The following RTN4 variants were observed in gnomAD, a reference collection of about 807,000 sequenced individuals.
RTN4 encodes the protein reticulon-4.
RTN4 carries 32 observed loss-of-function variants against 90.4 expected under a neutral mutation model. The observed-to-expected ratio is 0.35, with a 90% CI of 0.27 to 0.48. The LOEUF (loss-of-function observed/expected upper bound fraction) is 0.48, where lower values mean the gene tolerates loss of function less well. RTN4 is among the 20% of genes least tolerant of loss of function. RTN4 has a pLI of 0.99. For missense variants in RTN4, 1,706 were observed against 1,430.2 expected (o/e 1.19, Z -3.11); for synonymous variants, 629 against 552.5 (o/e 1.14, Z -1.94).
chr2:55,036,975 G>C (rs1682737396), intron 1 of RTN4, among the ~76,000 whole-genome samples: 2 of 152,180 alleles, frequency 1.3e-5, no homozygotes, highest in Admixed American at 1.3e-4. Flanking sequence ...GGACTGTATA[G>C]TTGGAAAATC....
chr2:55,077,472 G>A (rs1246328261), intron 2 of RTN4, among the ~76,000 whole-genome samples: 1 of 152,160 alleles, frequency 6.6e-6, no homozygotes, highest in Admixed American at 6.5e-5. Context: ...AATAATAGAT[G>A]TTAGTGTGGA....
chr2:55,076,389 C>CTTTT (rs58070912), intron 2 of RTN4, among the ~76,000 whole-genome samples: 3 of 64,648 alleles, frequency 4.6e-5, no homozygotes, highest in African/African-American at 6.7e-5. Context: ...TTCTTTTGTT[C>CTTTT]TTTTTTTTTT....
At chr2:54,982,396 G>C in intron 5 of RTN4, 119 bp downstream of exon 5, 2 of 860,482 alleles carry the variant, frequency 2.3e-6, no homozygotes, top group Non-Finnish European at 3.5e-6. Flanking sequence ...CAAGTTTACA[G>C]CCATGTGATT....
intron 4 of RTN4, 73 bp downstream of exon 4, chr2:54,987,418 C>T (rs1678651070): frequency 1.9e-6 from 2 of 1,079,156 alleles, no homozygotes; most frequent in East Asian, 2.4e-5. Flanking sequence ...ACTCTATAGA[C>T]AGTAGATGAA....
intron 1 of RTN4, among the ~76,000 whole-genome samples, chr2:55,084,163 G>A (rs1038153470): frequency 1.3e-4 from 20 of 152,216 alleles, no homozygotes; most frequent in East Asian, 1.9e-4. Context: ...CCCAAACTAC[G>A]GGGTTCAGAG....
chr2:55,105,732 G>C (rs927184141), intron 1 of RTN4, among the ~76,000 whole-genome samples: 1 of 152,128 alleles, frequency 6.6e-6, no homozygotes, highest in African/African-American at 2.4e-5. Flanking sequence ...ACTTTGGGAG[G>C]GGAAGGAAGC....
intron 3 of RTN4, among the ~76,000 whole-genome samples, chr2:55,019,195 A>G (rs934072466): frequency 4.6e-5 from 7 of 152,222 alleles, no homozygotes; most frequent in Non-Finnish European, 1.0e-4. Context: ...TAATTAATTC[A>G]TTAATGGAAA....
chr2:55,010,305 G>C (rs961279082), intron 3 of RTN4: 7 of 1,417,922 alleles, frequency 4.9e-6, no homozygotes, highest in Non-Finnish European at 5.5e-6. Flanking sequence ...GTGTGGAACA[G>C]TCTGACGCAG....
intron 4 of RTN4, among the ~76,000 whole-genome samples, chr2:54,983,657 C>G (rs916036955): frequency 6.6e-6 from 1 of 152,154 alleles, no homozygotes; most frequent in Non-Finnish European, 1.5e-5. Flanking sequence ...TTACTATTTA[C>G]GAGCTGGAAT....
chr2:55,130,510 G>T, the RTN4 span, among the ~76,000 whole-genome samples: 1 of 152,178 alleles, frequency 6.6e-6, no homozygotes, highest in African/African-American at 2.4e-5. Context: ...AGCACTTTGG[G>T]GAGGGTGATG....
intron 1 of RTN4, among the ~76,000 whole-genome samples, chr2:55,095,857 C>A (rs1669023456): frequency 6.6e-6 from 1 of 152,184 alleles, no homozygotes; most frequent in Non-Finnish European, 1.5e-5. Flanking sequence ...CTAACAGTTT[C>A]CTAGACTTTC....
intron 2 of RTN4, among the ~76,000 whole-genome samples, chr2:55,058,515 AG>A (rs1330136169): frequency 2.0e-5 from 3 of 152,002 alleles, no homozygotes; most frequent in Non-Finnish European, 4.4e-5. Flanking sequence ...TATGCTTAAC[AG>A]CTTCTGAACT....
At chr2:55,075,982 T>C (rs1426305428) in intron 2 of RTN4, among the ~76,000 whole-genome samples, 3 of 152,156 alleles carry the variant, frequency 2.0e-5, no homozygotes, top group Non-Finnish European at 4.4e-5. Context: ...ACAAAAATTA[T>C]AGAACAAACT....
chr2:55,009,084 A>G (rs1457171298), intron 3 of RTN4, among the ~76,000 whole-genome samples: 1 of 152,138 alleles, frequency 6.6e-6, no homozygotes, highest in Non-Finnish European at 1.5e-5. Context: ...ATCTTTATTG[A>G]ACAAATTTTT....
intron 2 of RTN4, among the ~76,000 whole-genome samples, chr2:55,057,056 A>C (rs1668202949): frequency 6.6e-6 from 1 of 152,198 alleles, no homozygotes; most frequent in African/African-American, 2.4e-5. Flanking sequence ...ACAAACACAA[A>C]ACATAATTTT....
the RTN4 span, among the ~76,000 whole-genome samples, chr2:55,126,200 T>A: frequency 2.0e-5 from 3 of 151,216 alleles, no homozygotes; most frequent in African/African-American, 7.3e-5. Context: ...AGAAACCCCA[T>A]CTCTACTGAA....
intron 3 of RTN4, among the ~76,000 whole-genome samples, chr2:55,002,339 G>A (rs941771797): frequency 1.1e-4 from 16 of 152,284 alleles, no homozygotes; most frequent in Non-Finnish European, 2.1e-4. Context: ...GATTACAGGC[G>A]TGAGCTACAA....
intron 1 of RTN4, among the ~76,000 whole-genome samples, chr2:55,035,528 C>T (rs1682616752): frequency 6.6e-6 from 1 of 151,506 alleles, no homozygotes; most frequent in Non-Finnish European, 1.5e-5. Context: ...GGCTTAAAAT[C>T]GAAGTGTAAA....
intron 1 of RTN4, among the ~76,000 whole-genome samples, chr2:55,088,849 A>C (rs1668887857): frequency 6.6e-6 from 1 of 152,234 alleles, no homozygotes; most frequent in South Asian, 2.1e-4. Flanking sequence ...AGGGCTCCTC[A>C]TTAGACAACA....
Sources: allele counts gnomAD v4.1 joint callset (sites outside exome capture counted in the v4.1 genomes callset), GRCh38; gene constraint gnomAD v4.1.1; transcripts MANE v1.5; gene names NCBI Gene and HGNC (gene_info 2026-07-23, HGNC 2026-07-21).